The following CACHD1 variants were observed in gnomAD, a reference collection of about 807,000 sequenced individuals.
The protein encoded by CACHD1 is cache domain containing 1, also known as VWFA and cache domain-containing protein 1.
In CACHD1, 71 loss-of-function variants were observed where a neutral mutation model predicts 138.7. The ratio of observed to expected loss-of-function variants is 0.51; its 90% CI spans 0.42 to 0.62. CACHD1 has a LOEUF of 0.62. Ranked by LOEUF, CACHD1 falls within the 20% of genes least tolerant of loss-of-function variation. CACHD1 has a pLI of 0.00. For missense variants in CACHD1, 1,389 were observed against 1,625.3 expected (o/e 0.85, Z 2.50); for synonymous variants, 578 against 591.5 (o/e 0.98, Z 0.33).
chr1:64,471,844 AC>A (rs1646147260), intron 1 of CACHD1, among the ~76,000 whole-genome samples: 1 of 152,098 alleles, frequency 6.6e-6, no homozygotes, highest in South Asian at 2.1e-4. Context: ...GATGTTACTC[AC>A]GACCAACAGT....
intron 9 of CACHD1, 86 bp downstream of exon 9, chr1:64,648,120 T>C: frequency 5.0e-6 from 5 of 1,003,812 alleles, no homozygotes; most frequent in African/African-American, 1.6e-5. Flanking sequence ...ATCATAGGGT[T>C]TCTTAGCACC....
intron 1 of CACHD1, among the ~76,000 whole-genome samples, chr1:64,478,119 T>C (rs1240219635): frequency 6.6e-6 from 1 of 152,230 alleles, no homozygotes; most frequent in Non-Finnish European, 1.5e-5. Context: ...TTAGGCTACA[T>C]TTTTTAACAA....
chr1:64,663,566 G>GA, intron 13 of CACHD1, 129 bp from the exon 14 acceptor site: 1 of 977,258 alleles, frequency 1.0e-6, no homozygotes, highest in Non-Finnish European at 1.5e-6. Flanking sequence ...AAAAAAAAAA[G>GA]AAAAAAAGGA....
At chr1:64,646,097 C>T (rs180713193) in intron 8 of CACHD1, among the ~76,000 whole-genome samples, 5 of 152,292 alleles carry the variant, frequency 3.3e-5, no homozygotes, top group Non-Finnish European at 1.5e-5. Context: ...CCATCCCACG[C>T]TACTCTTCTT....
intron 26 of CACHD1, among the ~76,000 whole-genome samples, chr1:64,686,128 C>T (rs1416144803): frequency 1.3e-5 from 2 of 152,200 alleles, no homozygotes; most frequent in African/African-American, 2.4e-5. Flanking sequence ...CATGGAGGAA[C>T]ATGGCATTGA....
At chr1:64,507,004 C>T (rs1423980091) in intron 1 of CACHD1, among the ~76,000 whole-genome samples, 1 of 152,164 alleles carries the variant, frequency 6.6e-6, no homozygotes, top group African/African-American at 2.4e-5. Flanking sequence ...TTCAACTTAT[C>T]TGTAAAACGA....
chr1:64,504,265 A>G (rs1278824492), intron 1 of CACHD1, among the ~76,000 whole-genome samples: 4 of 152,154 alleles, frequency 2.6e-5, no homozygotes, highest in African/African-American at 9.7e-5. Flanking sequence ...CTAAGCTCAA[A>G]CCATCCCACC....
chr1:64,539,222 C>G (rs1421839087), intron 1 of CACHD1, among the ~76,000 whole-genome samples: 1 of 152,076 alleles, frequency 6.6e-6, no homozygotes, highest in Non-Finnish European at 1.5e-5. Flanking sequence ...GGTGCCTGGC[C>G]CTGAGCATGT....
At chr1:64,632,221 T>C (rs1648330873) in intron 5 of CACHD1, among the ~76,000 whole-genome samples, 1 of 141,860 alleles carries the variant, frequency 7.0e-6, no homozygotes, top group Non-Finnish European at 1.5e-5. Context: ...GCAGAAAGCA[T>C]TGGGTTAAAG....
intron 4 of CACHD1, among the ~76,000 whole-genome samples, chr1:64,608,586 A>C (rs949752770): frequency 6.6e-6 from 1 of 152,094 alleles, no homozygotes; most frequent in Non-Finnish European, 1.5e-5. Flanking sequence ...CATCCAACAC[A>C]TATGTGTATT....
At chr1:64,472,783 G>A (rs932462855) in intron 1 of CACHD1, among the ~76,000 whole-genome samples, 7 of 152,154 alleles carry the variant, frequency 4.6e-5, no homozygotes, top group Admixed American at 4.6e-4. Context: ...GACTCTGCTT[G>A]TAGGATTTGT....
rs539632250 is a variant in CACHD1, at chr1:64,636,168, C to T, written c.1006+1908C>T. ...CTTTGTTTGAAAATATTAATGTATC[C>T]TATTGAGATAAATTTAAAGAATACA... On this transcript the variant is annotated intron_variant, in intron 7 of 26. Coordinates refer to ENST00000651257, the MANE Select transcript of CACHD1 (RefSeq NM_020925.4). Among the ~76,000 whole-genome samples the T allele has an allele frequency of 3.3e-5, 5 of 151,966 alleles. No homozygotes were observed. The South Asian group carries it at 1.0e-3, about 32-fold the overall frequency.
intron 3 of CACHD1, 138 bp from the exon 4 acceptor site, chr1:64,602,668 T>G: frequency 1.6e-6 from 1 of 638,488 alleles, no homozygotes; most frequent in Non-Finnish European, 2.8e-6. Context: ...CCGAAATTAT[T>G]TTTTTGAATA....
chr1:64,654,499 T>C (rs1649199937), intron 11 of CACHD1, among the ~76,000 whole-genome samples, 187 bp from the exon 12 acceptor site: 1 of 152,218 alleles, frequency 6.6e-6, no homozygotes, highest in Non-Finnish European at 1.5e-5. Context: ...AGGGATGTTT[T>C]TAATGCAGAG....
chr1:64,599,131 A>G (rs1404019171), intron 3 of CACHD1, among the ~76,000 whole-genome samples: 11 of 152,054 alleles, frequency 7.2e-5, no homozygotes, highest in Admixed American at 6.6e-4. Flanking sequence ...ATCTGCCAGT[A>G]CCTTAATCAT....
At chr1:64,594,384 C>T (rs2100561920) in intron 3 of CACHD1, among the ~76,000 whole-genome samples, 1 of 152,216 alleles carries the variant, frequency 6.6e-6, no homozygotes, top group South Asian at 2.1e-4. Context: ...ATTAGAATGG[C>T]TCATCTGCCA....
intron 1 of CACHD1, among the ~76,000 whole-genome samples, chr1:64,541,057 G>T (rs1478336694): frequency 1.3e-5 from 2 of 152,194 alleles, no homozygotes; most frequent in African/African-American, 4.8e-5. Context: ...GAGAGGGAAG[G>T]AAAAATGGAA....
chr1:64,517,584 C>T (rs551826581), intron 1 of CACHD1, among the ~76,000 whole-genome samples: 47 of 152,004 alleles, frequency 3.1e-4, no homozygotes, highest in Middle Eastern at 3.4e-3. Flanking sequence ...AGAGCTTGGC[C>T]CAGTGGGATG....
chr1:64,579,234 A>G (rs1035182961), intron 2 of CACHD1, among the ~76,000 whole-genome samples: 1 of 152,228 alleles, frequency 6.6e-6, no homozygotes, highest in Non-Finnish European at 1.5e-5. Flanking sequence ...AAAAACATTT[A>G]AAAGTGTAAG....
Sources: gnomAD v4.1 joint callset for allele counts (sites outside exome capture counted in the v4.1 genomes callset) on GRCh38, gnomAD v4.1.1 for gene constraint, MANE v1.5 for transcripts, NCBI Gene and HGNC (gene_info 2026-07-23, HGNC 2026-07-21) for gene names.